The following CREM variants were observed in gnomAD, a reference collection of about 807,000 sequenced individuals.
CREM encodes cAMP responsive element modulator.
In CREM, 13 loss-of-function variants were observed where a neutral mutation model predicts 37.3. That is an observed-to-expected ratio of 0.35 (90% CI 0.23 to 0.55). The LOEUF (loss-of-function observed/expected upper bound fraction) is 0.55. Ranked by LOEUF, CREM falls within the 20% of genes least tolerant of loss-of-function variation. The pLI, the probability that CREM is intolerant of heterozygous loss-of-function variation, is 0.88. For missense variants in CREM, 296 were observed against 362.3 expected (o/e 0.82, Z 1.49); for synonymous variants, 124 against 120.2 (o/e 1.03, Z -0.21).
intron 3 of CREM, among the ~76,000 whole-genome samples, chr10:35,155,154 G>A (rs940576100): frequency 2.0e-5 from 3 of 152,112 alleles, no homozygotes; most frequent in Admixed American, 2.0e-4. Flanking sequence ...TTATTTTAGT[G>A]TTTGAGAGAC....
rs1435612021 is a variant in CREM, at chr10:35,211,671, A to G, written c.*273A>G. On this transcript the variant is annotated 3_prime_UTR_variant, in exon 8 of 8. Coordinates refer to ENST00000685392, the MANE Select transcript of CREM (RefSeq NM_183011.2). ...TTTTTTTCAGGGAAGCTGCCAAAGA[A>G]TGTCGACGTCGAAAGAAAGAATATG... 3.1e-6 allele frequency: 5 copies of G among 1,612,020 alleles called. No homozygotes were observed. The highest frequency in any genetic ancestry group is 1.7e-5 in the Admixed American group (1 of 59,472).
At chr10:35,185,531 A>C (rs1456422344) in intron 5 of CREM, among the ~76,000 whole-genome samples, 1 of 152,142 alleles carries the variant, frequency 6.6e-6, no homozygotes, top group African/African-American at 2.4e-5. Flanking sequence ...AAACATACAC[A>C]ATTTACTCAT....
chr10:35,130,990 G>C (rs1338164691), intron 1 of CREM, among the ~76,000 whole-genome samples: 1 of 152,188 alleles, frequency 6.6e-6, no homozygotes, highest in Non-Finnish European at 1.5e-5. Flanking sequence ...GTGTGAAGTA[G>C]TTTTTATAAG....
chr10:35,151,783 C>T (rs1280831531), intron 3 of CREM, among the ~76,000 whole-genome samples: 1 of 152,178 alleles, frequency 6.6e-6, no homozygotes, highest in Non-Finnish European at 1.5e-5. Flanking sequence ...TTTTAGTTAA[C>T]TAAGAATTAT....
chr10:35,131,660 T>TC, intron 1 of CREM, among the ~76,000 whole-genome samples: 1 of 152,322 alleles, frequency 6.6e-6, no homozygotes, highest in South Asian at 2.1e-4. Context: ...GATACAGGTT[T>TC]TGTTCAGATG....
intron 6 of CREM, among the ~76,000 whole-genome samples, chr10:35,197,591 TA>T (rs2095244434): frequency 6.6e-6 from 1 of 152,094 alleles, no homozygotes; most frequent in African/African-American, 2.4e-5. Flanking sequence ...TAGCTGGGAC[TA>T]CAGGTGCCCA....
At chr10:35,143,831 T>C (rs966886570) in intron 2 of CREM, among the ~76,000 whole-genome samples, 1 of 151,794 alleles carries the variant, frequency 6.6e-6, no homozygotes, top group Non-Finnish European at 1.5e-5. Context: ...CTGACCTTGA[T>C]TGGGTGTGGG....
chr10:35,210,063 C>T (rs1402328206), intron 7 of CREM, among the ~76,000 whole-genome samples: 2 of 145,504 alleles, frequency 1.4e-5, no homozygotes, highest in Non-Finnish European at 3.0e-5. Context: ...AGTCAGCTAT[C>T]TTAAAAAAAA....
chr10:35,154,266 A>G (rs932349739), intron 3 of CREM: 2 of 390,984 alleles, frequency 5.1e-6, no homozygotes. Context: ...ACATAGGCCT[A>G]GGAAGGATGT....
At chr10:35,197,803 G>T (rs2095254950) in intron 6 of CREM, among the ~76,000 whole-genome samples, 1 of 152,066 alleles carries the variant, frequency 6.6e-6, no homozygotes, top group African/African-American at 2.4e-5. Flanking sequence ...AGGGTTAAGG[G>T]ACTTTTTTGA....
At position 35,196,083 on chromosome 10, in the gene CREM, G is replaced by A. The variant is rs749750825; in HGVS notation, c.598+7695G>A. 9 of 1,614,080 alleles carry A rather than the reference G, an allele frequency of 5.6e-6. No individual in the cohort carries two copies. In the East Asian group the frequency reaches 1.6e-4, roughly 28 times the overall value. ...AATGCATGAACAGAACTCAGGAGTT[G>A]TCTGGCCAGCTTAGTGGTAAGATCG... On this transcript the variant is annotated intron_variant, in intron 6 of 7. Coordinates refer to ENST00000685392, the MANE Select transcript of CREM (RefSeq NM_183011.2).
At chr10:35,188,892 A>G (rs966714057) in intron 6 of CREM, among the ~76,000 whole-genome samples, 2 of 152,078 alleles carry the variant, frequency 1.3e-5, no homozygotes, top group African/African-American at 2.4e-5. Context: ...TCCTGACCTC[A>G]GATGGAGTCG....
intron 3 of CREM, among the ~76,000 whole-genome samples, chr10:35,153,742 A>T (rs1215129011): frequency 1.3e-5 from 2 of 152,226 alleles, no homozygotes; most frequent in African/African-American, 4.8e-5. Context: ...TTCAGCAAAG[A>T]TAGAAGGGAA....
At chr10:35,166,245 C>T (rs2093547444) in intron 3 of CREM, among the ~76,000 whole-genome samples, 1 of 148,458 alleles carries the variant, frequency 6.7e-6, no homozygotes, top group Non-Finnish European at 1.5e-5. Context: ...ATTTGTTAGC[C>T]ACACTATCTT....
intron 3 of CREM, among the ~76,000 whole-genome samples, chr10:35,175,258 T>C (rs1389045048): frequency 6.8e-6 from 1 of 147,168 alleles, no homozygotes; most frequent in Non-Finnish European, 1.5e-5. Context: ...CCATCCTGGC[T>C]AATGGGTGAA....
In CREM at chr10:35,167,853, AAG is replaced by A. The variant is rs572652029; in HGVS notation, c.169-11033_169-11032del. Reference sequence around the variant, plus strand: ...CTTCACACTTTTAAAGCCTTGTGAAAAGAGGGGTAAAAATTGTGAAATATAAA... The same window carrying A: ...CTTCACACTTTTAAAGCCTTGTGAAAAGGGGTAAAAATTGTGAAATATAAA... On this transcript the variant is annotated intron_variant, in intron 3 of 7. Transcript: ENST00000685392. The A allele has an allele frequency of 1.2e-3, 1,733 of 1,496,142 alleles. 3 individuals are homozygous for A. Among genetic ancestry groups the A allele is most frequent in the African/African-American group, 1.6e-3 (113 of 72,138 alleles). 92.7% of individuals were successfully genotyped at this position (1,496,142 alleles called of 1,614,324 possible).
chr10:35,189,291 G>A (rs926891947), intron 6 of CREM, among the ~76,000 whole-genome samples: 3 of 151,706 alleles, frequency 2.0e-5, no homozygotes, highest in African/African-American at 7.3e-5. Flanking sequence ...TTGAGATGTA[G>A]CCCTAAGCTT....
rs2090845956 is a variant in CREM at position 35,138,022 on chromosome 10, A to G, written c.44+143A>G. On this transcript the variant is annotated intron_variant, in intron 2 of 7. Transcript: ENST00000685392. ...TAATATATACTCAAATTATTCAGCC[A>G]TTCACTTAAGGCACCATCTACTGTG... 11 of 511,544 alleles carry G rather than the reference A, an allele frequency of 2.2e-5. No homozygotes were observed. The East Asian group carries it at 4.6e-4, about 21-fold the overall frequency. 31.7% of individuals were successfully genotyped at this position (511,544 alleles called of 1,614,324 possible). A position where few individuals can be genotyped will look rare whatever the true frequency, so the allele number is the denominator to read the frequency against.
intron 2 of CREM, among the ~76,000 whole-genome samples, chr10:35,138,526 ATT>A (rs752036917): frequency 2.9e-4 from 40 of 136,890 alleles, no homozygotes; most frequent in Non-Finnish European, 3.8e-4. Context: ...AAATTTTAGA[ATT>A]TTTTTTTTTT....
Sources: gnomAD v4.1 joint callset for allele counts (sites outside exome capture counted in the v4.1 genomes callset) on GRCh38, gnomAD v4.1.1 for gene constraint, MANE v1.5 for transcripts, NCBI Gene and HGNC (gene_info 2026-07-23, HGNC 2026-07-21) for gene names.